The following COL23A1 variants were observed in gnomAD, a reference collection of about 807,000 sequenced individuals.
COL23A1 encodes the protein collagen alpha-1(XXIII) chain.
A neutral mutation model predicts 99.3 loss-of-function variants in COL23A1; 97 were observed. The ratio of observed to expected loss-of-function variants is 0.98; its 90% CI spans 0.83 to 1.16. COL23A1 has a LOEUF of 1.16. COL23A1 is among the 50% of genes most tolerant of loss of function. The pLI is 0.00. For missense variants in COL23A1, 762 were observed against 757.4 expected, an observed-to-expected ratio of 1.01 and a Z score of -0.07; for synonymous variants, 320 against 308.2, an observed-to-expected ratio of 1.04 and a Z score of -0.40.
chr5:178,390,142 G>T (rs1320312644), intron 2 of COL23A1, among the ~76,000 whole-genome samples: 2 of 152,196 alleles, frequency 1.3e-5, no homozygotes, highest in African/African-American at 4.8e-5. Context: ...CAGGGTACTG[G>T]TTTGAACCCC....
At chr5:178,556,707 C>T (rs1450592807) in intron 2 of COL23A1, among the ~76,000 whole-genome samples, 2 of 150,974 alleles carry the variant, frequency 1.3e-5, no homozygotes, top group Non-Finnish European at 2.9e-5. Flanking sequence ...TAGTCCAACA[C>T]TTTGGGAGGC....
intron 3 of COL23A1, among the ~76,000 whole-genome samples, chr5:178,293,920 C>A (rs1757593974): frequency 6.6e-6 from 1 of 152,036 alleles, no homozygotes. Flanking sequence ...CCACGGAGTC[C>A]AGAGGCCAGG....
At chr5:178,536,448 G>A (rs1057481191) in intron 2 of COL23A1, among the ~76,000 whole-genome samples, 2 of 152,254 alleles carry the variant, frequency 1.3e-5, no homozygotes, top group Non-Finnish European at 2.9e-5. Context: ...AGGGTCCCAG[G>A]TGTGGCTGCT....
Position 178,307,777 on chromosome 5 carries a change from T to C in COL23A1, c.362-858A>G, listed in dbSNP as rs553666263. The stretch of plus-strand genomic sequence containing the variant: ...AGTGAAGTTGGGTGCAGGTACAAGA[T>C]TGCAATGTGTAAATGGCATTTGATA... On this transcript the variant is annotated intron_variant, in intron 2 of 28. Coordinates refer to ENST00000390654, the MANE Select transcript of COL23A1 (RefSeq NM_173465.4). This position sits in a 1 kb window ranked among gnomAD's most constrained non-coding sequence, Gnocchi z 4.2. 1.5e-4 allele frequency among the ~76,000 whole-genome samples: 23 copies of C among 152,214 alleles called. No individual in the cohort carries two copies. The highest frequency in any genetic ancestry group is 3.1e-4 in the Non-Finnish European group (21 of 68,036).
At chr5:178,458,434 C>T (rs557598101) in intron 2 of COL23A1, among the ~76,000 whole-genome samples, 5 of 152,064 alleles carry the variant, frequency 3.3e-5, no homozygotes, top group Middle Eastern at 3.4e-3. Flanking sequence ...GTCAGGAGTT[C>T]GAGACTGGCC....
intron 2 of COL23A1, chr5:178,345,153 T>A (rs932141003): frequency 2.4e-5 from 16 of 658,208 alleles, no homozygotes; most frequent in Non-Finnish European, 3.9e-5. Context: ...TTGGCACATT[T>A]AGCTGATGGC....
intron 2 of COL23A1, among the ~76,000 whole-genome samples, chr5:178,412,132 T>C (rs553084709): frequency 6.6e-6 from 1 of 151,968 alleles, no homozygotes; most frequent in East Asian, 1.9e-4. Flanking sequence ...AATTGAGGAG[T>C]GGTTGAAATA....
intron 2 of COL23A1, among the ~76,000 whole-genome samples, chr5:178,547,190 C>G (rs970366596): frequency 4.6e-5 from 7 of 151,734 alleles, no homozygotes; most frequent in Non-Finnish European, 5.9e-5. Context: ...GGCAAGTACC[C>G]CGACAGTATC....
At chr5:178,319,024 C>T (rs775677553) in intron 2 of COL23A1, among the ~76,000 whole-genome samples, 23 of 152,142 alleles carry the variant, frequency 1.5e-4, no homozygotes, top group Non-Finnish European at 2.6e-4. Context: ...CCAACGCTGG[C>T]AGCAGGACTG....
intron 6 of COL23A1, among the ~76,000 whole-genome samples, chr5:178,269,287 T>TCATCCATCCATCCATC (rs375433031): frequency 7.1e-6 from 1 of 140,094 alleles, no homozygotes; most frequent in African/African-American, 2.7e-5. Context: ...CCTGTATGAG[T>TCATCCATCCATCCATC]CATCCATCCA....
At chr5:178,397,008 G>A (rs1218424421) in intron 2 of COL23A1, among the ~76,000 whole-genome samples, 1 of 152,228 alleles carries the variant, frequency 6.6e-6, no homozygotes, top group Non-Finnish European at 1.5e-5. Context: ...GCAGATGGGA[G>A]TCAGACCATC....
At chr5:178,409,885 A>G (rs1764974828) in intron 2 of COL23A1, among the ~76,000 whole-genome samples, 1 of 152,218 alleles carries the variant, frequency 6.6e-6, no homozygotes, top group African/African-American at 2.4e-5. Context: ...TCAATGATAT[A>G]AATGTAAATA....
chr5:178,362,267 T>C (rs1016927882), intron 2 of COL23A1, among the ~76,000 whole-genome samples: 7 of 152,090 alleles, frequency 4.6e-5, no homozygotes, highest in Non-Finnish European at 1.0e-4. Context: ...AGGCTGAGTT[T>C]GGAGCCAGGC....
chr5:178,505,935 G>A (rs1011404307), intron 2 of COL23A1, among the ~76,000 whole-genome samples: 1 of 152,026 alleles, frequency 6.6e-6, no homozygotes, highest in African/African-American at 2.4e-5. Context: ...AGACACAAAG[G>A]GCCAGGACCC....
At chr5:178,455,055 C>A (rs1767694339) in intron 2 of COL23A1, among the ~76,000 whole-genome samples, 1 of 152,232 alleles carries the variant, frequency 6.6e-6, no homozygotes, top group Admixed American at 6.5e-5. Flanking sequence ...ACAACGGTGG[C>A]CACGCAGTCT....
intron 2 of COL23A1, among the ~76,000 whole-genome samples, chr5:178,401,055 A>G (rs1347148065): frequency 1.3e-5 from 2 of 152,176 alleles, no homozygotes; most frequent in East Asian, 3.8e-4. Context: ...GTCTCTATGA[A>G]TTTGTTTATT....
intron 2 of COL23A1, among the ~76,000 whole-genome samples, chr5:178,466,640 G>A (rs910796158): frequency 1.3e-5 from 2 of 152,240 alleles, no homozygotes; most frequent in Non-Finnish European, 2.9e-5. Context: ...TGTCCCTGCT[G>A]CTGCGGGGGA....
At chr5:178,423,302 T>A (rs1765734108) in intron 2 of COL23A1, among the ~76,000 whole-genome samples, 1 of 152,106 alleles carries the variant, frequency 6.6e-6, no homozygotes. Flanking sequence ...TGCATTTTGA[T>A]CTTTCACTGG....
At chr5:178,398,646 C>T (rs1303850539) in intron 2 of COL23A1, among the ~76,000 whole-genome samples, 1 of 152,136 alleles carries the variant, frequency 6.6e-6, no homozygotes, top group Non-Finnish European at 1.5e-5. Flanking sequence ...AATACTTCTC[C>T]CAGAGTTATA....
Sources: allele counts gnomAD v4.1 joint callset (sites outside exome capture counted in the v4.1 genomes callset), GRCh38; gene constraint gnomAD v4.1.1; non-coding constraint Gnocchi (gnomAD v3.1); transcripts MANE v1.5; gene names NCBI Gene and HGNC (gene_info 2026-07-23, HGNC 2026-07-21).